TJP1: variants seen among roughly 807,000 people sequenced by gnomAD.
TJP1 encodes the protein tight junction protein ZO-1.
In TJP1, 43 loss-of-function variants were observed where a neutral mutation model predicts 194.2. The observed-to-expected ratio is 0.22, with a 90% CI of 0.17 to 0.29. TJP1 has a LOEUF of 0.29. TJP1 is among the 10% of genes least tolerant of loss of function. The pLI, the probability that TJP1 is intolerant of heterozygous loss-of-function variation, is 1.00. For missense variants in TJP1, 1,971 were observed against 2,185.7 expected, an observed-to-expected ratio of 0.90 and a Z score of 1.96; for synonymous variants, 801 against 779.0, an observed-to-expected ratio of 1.03 and a Z score of -0.47.
upstream of TJP1, chr15:29,822,491 C>T (rs1474171992): frequency 1.0e-6 from 1 of 984,666 alleles, no homozygotes; most frequent in Non-Finnish European, 1.2e-6. Context: ...GCCCGGCCCA[C>T]TGAGCATGCC....
At chr15:29,883,081 T>C (rs370363755) in intron 2 of TJP1, among the ~76,000 whole-genome samples, 1 of 152,230 alleles carries the variant, frequency 6.6e-6, no homozygotes, top group East Asian at 1.9e-4. Flanking sequence ...TTGTTTCTGC[T>C]ACAGAAGAAC....
At chr15:29,764,395 A>C (rs1029659782) in intron 5 of TJP1, among the ~76,000 whole-genome samples, 4 of 152,226 alleles carry the variant, frequency 2.6e-5, no homozygotes, top group African/African-American at 9.6e-5. Context: ...TGAAGTCATA[A>C]GTCTAGTGTA....
At position 29,732,672 on chromosome 15, in the gene TJP1, T is replaced by A; in HGVS notation, c.1880A>T (p.Gln627Leu). 6.2e-7 allele frequency: 1 copy of A among 1,614,126 alleles called. No homozygotes were observed. The highest frequency in any genetic ancestry group is 8.5e-7 in the Non-Finnish European group (1 of 1,180,022). ...TCTTTCATAAGCTGGAAACTTTGTTTGAACAGGCTGAGCGGACAAATCCTC... is the reference window on the plus strand; with the variant it reads ...TCTTTCATAAGCTGGAAACTTTGTTAGAACAGGCTGAGCGGACAAATCCTC... The part of the protein sequence containing the change: ...SREDLSAQPV[Q>L]TKFPAYERVV... The change falls in exon 14 of 28, where the codon CAA (glutamine) becomes CTA (leucine). Residue 627 changes from glutamine to leucine, a missense_variant. Around this residue, in one of 5 missense-constraint regions of TJP1, gnomAD observed 402 missense variants for 484.2 expected, o/e 0.83. Coordinates refer to ENST00000614355, the MANE Select transcript of TJP1 (RefSeq NM_001330239.4).
At chr15:29,932,058 C>T (rs2054734178) in intron 2 of TJP1, among the ~76,000 whole-genome samples, 1 of 152,180 alleles carries the variant, frequency 6.6e-6, no homozygotes, top group Non-Finnish European at 1.5e-5. Flanking sequence ...TTACTGCAAC[C>T]TGTTTTATCA....
In TJP1 at chr15:29,952,120, T is replaced by C. The variant is rs190276862; in HGVS notation, c.306+4112A>G. ...AAAAGGTCACTTTTCTTTTTCATAT[T>C]GATTGTTATATGTCTATCACCCCCA... On this transcript the variant is annotated intron_variant, in intron 2 of 28. Transcript: ENST00000356107. 2.1e-3 allele frequency among the ~76,000 whole-genome samples: 315 copies of C among 152,318 alleles called. 3 individuals are homozygous for C. The highest frequency in any genetic ancestry group is 7.2e-3 in the African/African-American group (299 of 41,574).
chr15:29,815,815 T>C (rs945181162), intron 1 of TJP1, among the ~76,000 whole-genome samples: 4 of 152,174 alleles, frequency 2.6e-5, no homozygotes, highest in African/African-American at 9.6e-5. Flanking sequence ...GAGTTTACAT[T>C]TGGTCTCTAA....
At chr15:29,958,495 T>G (rs909894612) in intron 1 of TJP1, among the ~76,000 whole-genome samples, 2 of 152,212 alleles carry the variant, frequency 1.3e-5, no homozygotes, top group African/African-American at 4.8e-5. Flanking sequence ...TCTGCCTTAT[T>G]AATATGATTG....
At chr15:29,706,672 G>GA (rs2041920076) in intron 25 of TJP1, among the ~76,000 whole-genome samples, 1 of 152,068 alleles carries the variant, frequency 6.6e-6, no homozygotes, top group African/African-American at 2.4e-5. Flanking sequence ...CCTTCCTGTT[G>GA]TTTTTTGAAA....
At chr15:29,924,468 A>C (rs190029884) in intron 2 of TJP1, among the ~76,000 whole-genome samples, 3 of 152,362 alleles carry the variant, frequency 2.0e-5, no homozygotes, top group African/African-American at 7.2e-5. Flanking sequence ...GATAGCAAAA[A>C]GACATTAAAA....
intron 2 of TJP1, among the ~76,000 whole-genome samples, chr15:29,882,655 C>T (rs962119145): frequency 3.9e-5 from 6 of 152,208 alleles, no homozygotes; most frequent in Admixed American, 6.5e-5. Flanking sequence ...AGAGCAACTG[C>T]ATCTCCATGT....
At chr15:29,747,013 G>A (rs920983844) in intron 8 of TJP1, among the ~76,000 whole-genome samples, 1 of 152,082 alleles carries the variant, frequency 6.6e-6, no homozygotes, top group Non-Finnish European at 1.5e-5. Context: ...TGTTTAACAT[G>A]AAACATCACT....
chr15:29,864,237 CAAAAAAAAAAAAA>C (rs397975539), intron 2 of TJP1, among the ~76,000 whole-genome samples: 2 of 18,944 alleles, frequency 1.1e-4, no homozygotes, highest in South Asian at 7.6e-3. Flanking sequence ...ACTAAAAATA[CAAAAAAAAAAAAA>C]AAAAAAAAAA....
intron 2 of TJP1, among the ~76,000 whole-genome samples, chr15:29,909,072 G>C (rs1040640506): frequency 2.6e-5 from 4 of 151,400 alleles, no homozygotes; most frequent in African/African-American, 7.3e-5. Context: ...CAGGAGAATG[G>C]CATGAACCCA....
intron 1 of TJP1, among the ~76,000 whole-genome samples, chr15:29,809,276 GCTA>G (rs1349480506): frequency 2.0e-5 from 3 of 152,062 alleles, no homozygotes; most frequent in Non-Finnish European, 4.4e-5. Flanking sequence ...TTTTGGTGTG[GCTA>G]CTACATTAGA....
intron 2 of TJP1, among the ~76,000 whole-genome samples, chr15:29,851,009 G>A (rs1167128904): frequency 6.6e-6 from 1 of 152,014 alleles, no homozygotes; most frequent in Non-Finnish European, 1.5e-5. Flanking sequence ...ATCCTGGCAT[G>A]TGCCCGTAAT....
intron 4 of TJP1, among the ~76,000 whole-genome samples, chr15:29,770,399 C>T (rs1320215817): frequency 6.6e-6 from 1 of 152,044 alleles, no homozygotes; most frequent in Non-Finnish European, 1.5e-5. Context: ...CGCTACTGCA[C>T]TCTAGCCTGG....
intron 2 of TJP1, among the ~76,000 whole-genome samples, chr15:29,842,175 G>T (rs1443593141): frequency 6.6e-6 from 1 of 152,100 alleles, no homozygotes. Flanking sequence ...TGTATCATAG[G>T]TTCATTGATA....
intron 1 of TJP1, among the ~76,000 whole-genome samples, chr15:29,958,355 T>C (rs1275052087): frequency 1.3e-5 from 2 of 152,066 alleles, no homozygotes; most frequent in East Asian, 3.9e-4. Flanking sequence ...GATTTTTTTC[T>C]TTCTTTACCC....
chr15:29,845,498 T>C (rs1018780462), intron 2 of TJP1, among the ~76,000 whole-genome samples: 27 of 152,032 alleles, frequency 1.8e-4, no homozygotes, highest in Admixed American at 1.8e-3. Flanking sequence ...AGAAGACAAA[T>C]GTCAATTTAC....
Sources: allele counts gnomAD v4.1 joint callset (sites outside exome capture counted in the v4.1 genomes callset), GRCh38; gene constraint gnomAD v4.1.1; regional missense constraint gnomAD v4.1.1; transcripts MANE v1.5; gene names NCBI Gene and HGNC (gene_info 2026-07-23, HGNC 2026-07-21).